The following TANGO6 variants were observed in gnomAD, a reference collection of about 807,000 sequenced individuals.
TANGO6 encodes the protein transport and Golgi organization protein 6 homolog.
In TANGO6, 90 loss-of-function variants were observed where a neutral mutation model predicts 114.2. The ratio of observed to expected loss-of-function variants is 0.79; its 90% confidence interval spans 0.66 to 0.94. The LOEUF is 0.94. Ranked by LOEUF, TANGO6 falls within the 40% of genes least tolerant of loss-of-function variation. The pLI is 0.00. For synonymous variants in TANGO6, 477 were observed against 509.8 expected, an observed-to-expected ratio of 0.94 and a Z score of 0.87; for missense variants, 1,274 against 1,315.3, an observed-to-expected ratio of 0.97 and a Z score of 0.49.
intron 15 of TANGO6, among the ~76,000 whole-genome samples, chr16:68,980,884 A>G (rs1963829344): frequency 6.6e-6 from 1 of 151,698 alleles, no homozygotes; most frequent in South Asian, 2.1e-4. Flanking sequence ...AGTGCCAGCT[A>G]CTCGGGAAGC....
intron 17 of TANGO6, among the ~76,000 whole-genome samples, chr16:69,082,381 G>A (rs191692124): frequency 8.4e-4 from 128 of 152,234 alleles, no homozygotes; most frequent in Non-Finnish European, 1.6e-3. Flanking sequence ...TGGGATTACA[G>A]GCATGAGCCA....
intron 1 of TANGO6, among the ~76,000 whole-genome samples, chr16:68,858,526 T>C (rs890205964): frequency 6.6e-6 from 1 of 152,228 alleles, no homozygotes; most frequent in African/African-American, 2.4e-5. Flanking sequence ...ATTTCTCAGT[T>C]GTGCTTTAAA....
intron 1 of TANGO6, among the ~76,000 whole-genome samples, chr16:68,856,482 T>C (rs1961995670): frequency 6.6e-6 from 1 of 152,354 alleles, no homozygotes; most frequent in African/African-American, 2.4e-5. Flanking sequence ...TCACTGCATT[T>C]GATTTGCTAA....
intron 14 of TANGO6, among the ~76,000 whole-genome samples, chr16:68,947,583 A>ATC (rs1433162142): frequency 1.4e-5 from 2 of 145,940 alleles, no homozygotes; most frequent in Non-Finnish European, 3.0e-5. Flanking sequence ...ATTATAACCC[A>ATC]TCTCTTTTTT....
intron 17 of TANGO6, among the ~76,000 whole-genome samples, chr16:69,074,935 G>A (rs1248410570): frequency 1.3e-5 from 2 of 151,422 alleles, no homozygotes; most frequent in Admixed American, 6.6e-5. Context: ...TGCAACCTCC[G>A]CCTCCCAGGT....
intron 1 of TANGO6, among the ~76,000 whole-genome samples, chr16:68,858,702 C>G (rs1962040127): frequency 6.6e-6 from 1 of 152,022 alleles, no homozygotes; most frequent in Non-Finnish European, 1.5e-5. Context: ...AGGCTGATCT[C>G]AAACTCCTGG....
intron 16 of TANGO6, chr16:69,034,850 A>T (rs1959660116): frequency 6.6e-6 from 1 of 151,770 alleles, no homozygotes; most frequent in African/African-American, 2.4e-5. Context: ...ACCTGTAGAT[A>T]ACATTCTTTT....
chr16:68,978,423 G>T, intron 15 of TANGO6, among the ~76,000 whole-genome samples: 1 of 152,156 alleles, frequency 6.6e-6, no homozygotes, highest in East Asian at 1.9e-4. Flanking sequence ...AATTCTCAAA[G>T]TTCCCTTCTT....
chr16:68,915,053 T>G (rs1272295552), intron 11 of TANGO6, among the ~76,000 whole-genome samples: 1 of 149,158 alleles, frequency 6.7e-6, no homozygotes, highest in Non-Finnish European at 1.5e-5. Flanking sequence ...TCCCAGCACT[T>G]TGGGAGGCTA....
chr16:69,015,241 G>A (rs1315949100), intron 15 of TANGO6, among the ~76,000 whole-genome samples: 2 of 152,162 alleles, frequency 1.3e-5, no homozygotes, highest in Non-Finnish European at 2.9e-5. Context: ...CAGTCTCGGA[G>A]AACGTGGAGG....
At chr16:69,000,909 A>G (rs1011478335) in intron 15 of TANGO6, among the ~76,000 whole-genome samples, 1 of 152,112 alleles carries the variant, frequency 6.6e-6, no homozygotes, top group Non-Finnish European at 1.5e-5. Context: ...TTTTAATTTT[A>G]GTCAACTTGC....
intron 17 of TANGO6, among the ~76,000 whole-genome samples, chr16:69,048,014 A>G (rs767160346): frequency 2.0e-5 from 3 of 152,118 alleles, no homozygotes; most frequent in Non-Finnish European, 4.4e-5. Flanking sequence ...AAGTCTTAAC[A>G]TCAGGTTGTT....
chr16:68,975,386 CTT>C (rs879895723), intron 15 of TANGO6, among the ~76,000 whole-genome samples: 2 of 144,194 alleles, frequency 1.4e-5, no homozygotes, highest in African/African-American at 2.5e-5. Flanking sequence ...AACTGCCGCG[CTT>C]TTTTTTTTTT....
At chr16:69,071,201 G>C (rs1384558482) in intron 17 of TANGO6, among the ~76,000 whole-genome samples, 1 of 152,106 alleles carries the variant, frequency 6.6e-6, no homozygotes, top group Non-Finnish European at 1.5e-5. Flanking sequence ...ACACCTAGAA[G>C]TTAGGAATGC....
At chr16:68,983,740 T>A (rs1597047289) in intron 15 of TANGO6, among the ~76,000 whole-genome samples, 5 of 151,990 alleles carry the variant, frequency 3.3e-5, no homozygotes, top group African/African-American at 1.2e-4. Flanking sequence ...TTTGAAAAAA[T>A]AGCTTTTGTA....
intron 16 of TANGO6, among the ~76,000 whole-genome samples, chr16:69,037,757 G>A (rs1959713029): frequency 1.3e-5 from 2 of 152,186 alleles, no homozygotes; most frequent in East Asian, 1.9e-4. Context: ...GCCCCCAAAG[G>A]GTTGGACTCC....
intron 17 of TANGO6, among the ~76,000 whole-genome samples, chr16:69,051,835 G>A (rs569637087): frequency 3.0e-4 from 45 of 152,030 alleles, no homozygotes; most frequent in Non-Finnish European, 5.9e-5. Context: ...AACAGAGCGA[G>A]ACTGTCTCAA....
chr16:68,860,679 G>T (rs751990527), intron 2 of TANGO6, among the ~76,000 whole-genome samples, 155 bp downstream of exon 2: 41 of 152,184 alleles, frequency 2.7e-4, no homozygotes, highest in Non-Finnish European at 5.1e-4. Flanking sequence ...TTGGGGGTGG[G>T]CGCAAGTTTC....
chr16:69,072,973 A>G (rs1273397511), intron 17 of TANGO6, among the ~76,000 whole-genome samples: 2 of 152,044 alleles, frequency 1.3e-5, no homozygotes, highest in African/African-American at 4.8e-5. Flanking sequence ...AGGAAAAAAA[A>G]AAAAAAGATG....
Sources: gnomAD v4.1 joint callset for allele counts (sites outside exome capture counted in the v4.1 genomes callset) on GRCh38, gnomAD v4.1.1 for gene constraint, MANE v1.5 for transcripts, NCBI Gene and HGNC (gene_info 2026-07-23, HGNC 2026-07-21) for gene names.